CNTN5: variants seen among roughly 807,000 people sequenced by gnomAD.
CNTN5 encodes the protein contactin 5.
In CNTN5, 77 loss-of-function variants were observed where a neutral mutation model predicts 129.1. The observed-to-expected ratio is 0.60, with a 90% CI of 0.50 to 0.72. The LOEUF (loss-of-function observed/expected upper bound fraction) is 0.72. Among genes scored for constraint, CNTN5 ranks in the 30% least tolerant of loss-of-function variants. CNTN5 has a pLI of 0.00. For missense variants in CNTN5, 1,478 were observed against 1,328.8 expected, an observed-to-expected ratio of 1.11 and a Z score of -1.75; for synonymous variants, 509 against 465.6, an observed-to-expected ratio of 1.09 and a Z score of -1.20.
intron 1 of CNTN5, among the ~76,000 whole-genome samples, chr11:99,205,879 C>T (rs983559303): frequency 1.3e-5 from 2 of 152,082 alleles, no homozygotes; most frequent in African/African-American, 4.8e-5. Context: ...ATTTCTGAAT[C>T]TTGGCCCTTC....
At chr11:99,480,582 A>G (rs1945555575) in intron 2 of CNTN5, among the ~76,000 whole-genome samples, 1 of 152,202 alleles carries the variant, frequency 6.6e-6, no homozygotes, top group South Asian at 2.1e-4. Context: ...GAATGTTTGC[A>G]TATTCTTGAG....
intron 3 of CNTN5, among the ~76,000 whole-genome samples, chr11:99,628,608 A>G (rs556479630): frequency 1.8e-3 from 217 of 121,074 alleles, no homozygotes; most frequent in African/African-American, 6.3e-3. Context: ...AAAGCTAAAT[A>G]ATGACACACA....
chr11:100,189,267 A>T (rs76581844), intron 13 of CNTN5, among the ~76,000 whole-genome samples: 4 of 69,324 alleles, frequency 5.8e-5, no homozygotes, highest in Non-Finnish European at 8.9e-5. Flanking sequence ...AAGTTGAATT[A>T]AAAAAAAAAA....
chr11:99,721,619 A>C (rs1018713271), intron 3 of CNTN5, among the ~76,000 whole-genome samples: 1 of 152,128 alleles, frequency 6.6e-6, no homozygotes, highest in African/African-American at 2.4e-5. Flanking sequence ...TAACAAAAGT[A>C]AAAATTGACA....
chr11:100,304,483 G>T (rs1330562565), intron 20 of CNTN5, among the ~76,000 whole-genome samples: 1 of 151,570 alleles, frequency 6.6e-6, no homozygotes, highest in Non-Finnish European at 1.5e-5. Context: ...AATTACCAAG[G>T]AGTCAGTGAA....
intron 3 of CNTN5, among the ~76,000 whole-genome samples, chr11:99,567,138 G>A (rs957133101): frequency 2.0e-4 from 31 of 152,198 alleles, no homozygotes; most frequent in African/African-American, 7.0e-4. Context: ...GATTCTGTCT[G>A]TCTATAGGTG....
At chr11:99,982,099 G>A (rs1327863060) in intron 8 of CNTN5, among the ~76,000 whole-genome samples, 2 of 152,192 alleles carry the variant, frequency 1.3e-5, no homozygotes, top group African/African-American at 4.8e-5. Context: ...CCTTGTTAAT[G>A]GAGAATACTT....
rs569934036 is a variant in CNTN5 at position 99,768,403 on chromosome 11, T to C, written c.56-51141T>C. ...GATCACAACATTATAATACGCGAAGTATTTAACAATGGTACAGTAATATTG... is the reference window on the plus strand; with the variant it reads ...GATCACAACATTATAATACGCGAAGCATTTAACAATGGTACAGTAATATTG... On this transcript the variant is annotated intron_variant, in intron 3 of 24. Transcript: ENST00000524871. Among the ~76,000 whole-genome samples the C allele has an allele frequency of 4.6e-5, 7 of 152,236 alleles. No individual in the cohort carries two copies. The South Asian group carries it at 1.2e-3, about 27-fold the overall frequency.
At chr11:100,266,693 A>T (rs904539071) in intron 17 of CNTN5, among the ~76,000 whole-genome samples, 1 of 148,264 alleles carries the variant, frequency 6.7e-6, no homozygotes, top group Non-Finnish European at 1.5e-5. Context: ...ATGGACTTGG[A>T]AAGGGAGTCT....
chr11:100,345,680 A>G (rs1478942904), intron 23 of CNTN5, among the ~76,000 whole-genome samples: 1 of 152,140 alleles, frequency 6.6e-6, no homozygotes, highest in Non-Finnish European at 1.5e-5. Flanking sequence ...ATATAATTGC[A>G]CAATAGGTAA....
intron 4 of CNTN5, among the ~76,000 whole-genome samples, chr11:99,842,913 T>A (rs944181394): frequency 6.6e-6 from 1 of 152,186 alleles, no homozygotes; most frequent in Non-Finnish European, 1.5e-5. Flanking sequence ...TATTTTGGTG[T>A]AGTATTTTGC....
intron 1 of CNTN5, among the ~76,000 whole-genome samples, chr11:99,069,796 C>A (rs1865262969): frequency 6.6e-6 from 1 of 152,164 alleles, no homozygotes; most frequent in South Asian, 2.1e-4. Context: ...AGGAATTACC[C>A]TACTAAACAT....
intron 10 of CNTN5, among the ~76,000 whole-genome samples, chr11:100,068,066 G>T (rs1943763436): frequency 6.6e-6 from 1 of 151,872 alleles, no homozygotes; most frequent in South Asian, 2.1e-4. Context: ...CTCTTTTGAA[G>T]TTATTTTAAA....
At chr11:99,379,683 A>G (rs1940408449) in intron 2 of CNTN5, among the ~76,000 whole-genome samples, 1 of 152,216 alleles carries the variant, frequency 6.6e-6, no homozygotes, top group Non-Finnish European at 1.5e-5. Flanking sequence ...TGTTATATAT[A>G]TACACACATG....
intron 3 of CNTN5, among the ~76,000 whole-genome samples, chr11:99,652,395 T>C (rs1352353355): frequency 6.6e-6 from 1 of 152,080 alleles, no homozygotes; most frequent in African/African-American, 2.4e-5. Flanking sequence ...CCATCATCTT[T>C]GTCATATAAA....
At chr11:100,309,511 A>G (rs2138925302) in intron 21 of CNTN5, 4 of 971,192 alleles carry the variant, frequency 4.1e-6, no homozygotes, top group South Asian at 4.8e-5. Flanking sequence ...TATTTCTACA[A>G]TCTTGCTTCA....
At chr11:100,251,830 C>CAT (rs1949968340) in intron 16 of CNTN5, among the ~76,000 whole-genome samples, 1 of 151,926 alleles carries the variant, frequency 6.6e-6, no homozygotes, top group Non-Finnish European at 1.5e-5. Flanking sequence ...TGTTGGACTC[C>CAT]TAGGTTGATT....
At chr11:99,801,988 C>G (rs1362065479) in intron 3 of CNTN5, among the ~76,000 whole-genome samples, 1 of 152,200 alleles carries the variant, frequency 6.6e-6, no homozygotes, top group Non-Finnish European at 1.5e-5. Context: ...TCCTTCTCAT[C>G]TGGAGATACT....
At chr11:100,245,544 A>T (rs17094685) in intron 16 of CNTN5, among the ~76,000 whole-genome samples, 3,282 of 152,172 alleles carry the variant, frequency 0.022, 108 homozygotes, top group African/African-American at 0.075. Context: ...CCACACTGAG[A>T]CAAGTAGAGT....
Sources: allele counts gnomAD v4.1 joint callset (sites outside exome capture counted in the v4.1 genomes callset), GRCh38; gene constraint gnomAD v4.1.1; transcripts MANE v1.5; gene names NCBI Gene and HGNC (gene_info 2026-07-23, HGNC 2026-07-21).